NDRG4: variants seen among roughly 807,000 people sequenced by gnomAD.
The protein encoded by NDRG4 is protein NDRG4.
Under a neutral mutation model 55.8 loss-of-function variants are expected in NDRG4, and 38 were observed. The ratio of observed to expected loss-of-function variants is 0.68; its 90% CI spans 0.53 to 0.89. The LOEUF is 0.89. NDRG4 is among the 40% of genes least tolerant of loss of function. The probability of loss-of-function intolerance (pLI) is 0.00; values close to 1 mark genes in which losing one functional copy is unlikely to be tolerated. For missense variants in NDRG4, 455 were observed against 468.6 expected, an observed-to-expected ratio of 0.97 and a Z score of 0.27; for synonymous variants, 190 against 182.7, an observed-to-expected ratio of 1.04 and a Z score of -0.32.
At chr16:58,471,203 T>TC (rs1188959731) in intron 1 of NDRG4, among the ~76,000 whole-genome samples, 2 of 141,538 alleles carry the variant, frequency 1.4e-5, no homozygotes, top group Non-Finnish European at 3.1e-5. Context: ...TTTTTTTTTT[T>TC]TTTTTTTTTG....
At position 58,511,749 on chromosome 16, in the gene NDRG4, G is replaced by T; in HGVS notation, c.*173G>T. 1 of 801,176 alleles carries T rather than the reference G, an allele frequency of 1.2e-6. No individual in the cohort carries two copies. The highest frequency in any genetic ancestry group is 2.1e-6 in the Non-Finnish European group (1 of 480,660). The allele number at this position is 801,176 out of a possible 1,614,324, so 49.6% of individuals were successfully genotyped here. On this transcript the variant is annotated 3_prime_UTR_variant, in exon 15 of 15. Transcript: ENST00000570248. ...GCAGAACAGTCTCCAGGTGTTTTAA[G>T]GGGCTCAGTCCTCCTCATCCCATCT...
chr16:58,506,727 C>A, intron 7 of NDRG4, 113 bp downstream of exon 7: 2 of 1,291,214 alleles, frequency 1.5e-6, no homozygotes, highest in Non-Finnish European at 1.1e-6. Flanking sequence ...ACTCCAGATG[C>A]TAAGCCATCT....
chr16:58,507,094 G>A (rs2038140913), intron 8 of NDRG4, 79 bp downstream of exon 8: 2 of 1,103,126 alleles, frequency 1.8e-6, no homozygotes, highest in African/African-American at 1.5e-5. Flanking sequence ...AGGGAGGCAG[G>A]CAGACAACAC....
At chr16:58,486,810 A>G (rs763240749) in intron 1 of NDRG4, among the ~76,000 whole-genome samples, 21 of 151,594 alleles carry the variant, frequency 1.4e-4, no homozygotes, top group Non-Finnish European at 2.2e-4. Flanking sequence ...TTTCCCAGCA[A>G]TTAGGGCCCG....
intron 1 of NDRG4, among the ~76,000 whole-genome samples, chr16:58,474,090 C>T (rs1369526001): frequency 1.5e-5 from 2 of 131,236 alleles, no homozygotes; most frequent in Non-Finnish European, 3.1e-5. Context: ...AGGCTGGAGT[C>T]CAGTGGCGTA....
At chr16:58,505,025 T>A (rs547589924) in intron 5 of NDRG4, among the ~76,000 whole-genome samples, 3 of 152,166 alleles carry the variant, frequency 2.0e-5, no homozygotes, top group Non-Finnish European at 4.4e-5. Context: ...TAGCAAAAAA[T>A]TTTATTATGG....
At chr16:58,504,871 G>A in intron 5 of NDRG4, 1 of 575,642 alleles carries the variant, frequency 1.7e-6, no homozygotes, top group Non-Finnish European at 3.1e-6. Context: ...GTTTTCTCAA[G>A]AGACTAGAAA....
rs778891183 is a variant in NDRG4, at chr16:58,511,702, T to C, written c.*126T>C. 8.6e-7 allele frequency: 1 copy of C among 1,166,486 alleles called. No homozygotes were observed. The highest frequency in any genetic ancestry group is 2.4e-5 in the East Asian group (1 of 40,938). 72.3% of individuals were successfully genotyped at this position (1,166,486 alleles called of 1,614,324 possible). ...GAAATGGGGTTCTGTTTGAAAAAAA[T>C]GAGGGGATCTTAGATGCTGCAGCAG... On this transcript the variant is annotated 3_prime_UTR_variant, in exon 15 of 15. Transcript: ENST00000570248.
chr16:58,496,850 A>T (rs1353683572), upstream of NDRG4: 1 of 152,158 alleles, frequency 6.6e-6, no homozygotes, highest in African/African-American at 2.4e-5. Context: ...GCAGGTTACC[A>T]AACCTCCCTG....
At chr16:58,486,427 T>A (rs1354807819) in intron 1 of NDRG4, among the ~76,000 whole-genome samples, 7 of 151,762 alleles carry the variant, frequency 4.6e-5, no homozygotes, top group Admixed American at 4.6e-4. Flanking sequence ...CTCAAAATGC[T>A]GGGATTATAG....
Position 58,510,672 on chromosome 16 carries a change from G to A in NDRG4, c.893G>A (p.Ser298Asn). Residue 298 changes from serine to asparagine, a missense_variant, in exon 14 of 15, where the codon AGT (serine) becomes AAT (asparagine). By Grantham distance (46) the Ser-to-Asn change is conservative. Transcript: ENST00000570248. ...YIAYLKDRRL[S>N]GGAVPSASMT... Reference sequence around the variant, plus strand: ...GCGTACTTGAAGGACCGAAGGCTGAGTGGAGGAGCAGGTAGCCCCACGGCC... The same window carrying A: ...GCGTACTTGAAGGACCGAAGGCTGAATGGAGGAGCAGGTAGCCCCACGGCC... 1.3e-6 allele frequency: 2 copies of A among 1,536,036 alleles called. No homozygotes were observed. Among genetic ancestry groups the A allele is most frequent in the Non-Finnish European group, 1.7e-6 (2 of 1,146,904 alleles).
chr16:58,475,559 A>AC (rs2033500623), intron 1 of NDRG4: 1 of 453,506 alleles, frequency 2.2e-6, no homozygotes, highest in African/African-American at 2.0e-5. Flanking sequence ...GTAACAGAAA[A>AC]CCCATGGTAA....
intron 1 of NDRG4, chr16:58,465,193 T>TA (rs2031348049): frequency 1.3e-5 from 13 of 975,466 alleles, no homozygotes; most frequent in Non-Finnish European, 1.8e-5. Context: ...CTCTGGGACT[T>TA]ATAGGTGCTC....
chr16:58,476,891 G>A (rs2033720873), intron 1 of NDRG4, among the ~76,000 whole-genome samples: 1 of 151,932 alleles, frequency 6.6e-6, no homozygotes, highest in Admixed American at 6.6e-5. Context: ...CTTTCAGTAA[G>A]TACAAAAAAA....
At chr16:58,500,402 G>T (rs1223759405) in intron 1 of NDRG4, 133 bp downstream of exon 1, 1 of 1,257,148 alleles carries the variant, frequency 8.0e-7, no homozygotes, top group Non-Finnish European at 1.1e-6. Context: ...TCACCCTGGG[G>T]TCACTGAGAC....
intron 1 of NDRG4, among the ~76,000 whole-genome samples, chr16:58,487,577 A>G (rs2035243440): frequency 6.6e-6 from 1 of 152,172 alleles, no homozygotes. Context: ...CCCAAGCCAG[A>G]CAGGCGGGTC....
chr16:58,511,049 T>G (rs1567360346), intron 14 of NDRG4: 1 of 469,132 alleles, frequency 2.1e-6, no homozygotes, highest in Non-Finnish European at 3.8e-6. Flanking sequence ...TGTGAAACTC[T>G]GAATTAGGGA....
rs1238335582 is a variant in NDRG4 at position 58,511,852 on chromosome 16, T to C, written c.*276T>C. On this transcript the variant is annotated 3_prime_UTR_variant, in exon 15 of 15. Coordinates refer to ENST00000570248, the MANE Select transcript of NDRG4 (RefSeq NM_001242835.2). ...GCCCAGGCACAGAAGGGCAGGGCCATAGGGAGGGAGATTCGCTACGGATCC... is the reference window on the plus strand; with the variant it reads ...GCCCAGGCACAGAAGGGCAGGGCCACAGGGAGGGAGATTCGCTACGGATCC... 2.4e-5 allele frequency: 12 copies of C among 503,088 alleles called. No individual in the cohort carries two copies. The highest frequency in any genetic ancestry group is 4.1e-5 in the Non-Finnish European group (11 of 268,068). The allele number at this position is 503,088 out of a possible 1,614,324, so 31.2% of individuals were successfully genotyped here.
chr16:58,473,943 C>A (rs78737501), intron 1 of NDRG4, among the ~76,000 whole-genome samples: 1 of 151,914 alleles, frequency 6.6e-6, no homozygotes, highest in African/African-American at 2.4e-5. Flanking sequence ...AGCACTCCAA[C>A]GCTTACCACC....
Sources: gnomAD v4.1 joint callset for allele counts (sites outside exome capture counted in the v4.1 genomes callset) on GRCh38, gnomAD v4.1.1 for gene constraint, MANE v1.5 for transcripts, NCBI Gene and HGNC (gene_info 2026-07-23, HGNC 2026-07-21) for gene names.